LRRC63: variants seen among roughly 807,000 people sequenced by gnomAD.
LRRC63 encodes leucine rich repeat containing 63.
Under a neutral mutation model 49.5 loss-of-function variants are expected in LRRC63, and 40 were observed. The ratio of observed to expected loss-of-function variants is 0.81; its 90% CI spans 0.63 to 1.05. The LOEUF is 1.05. Among genes scored for constraint, LRRC63 ranks in the 50% least tolerant of loss-of-function variants. The pLI is 0.00. For synonymous variants in LRRC63, 191 were observed against 221.1 expected, an observed-to-expected ratio of 0.86 and a Z score of 1.21; for missense variants, 636 against 663.1, an observed-to-expected ratio of 0.96 and a Z score of 0.45.
chr13:46,264,440 AG>A (rs1266088618), intron 8 of LRRC63, among the ~76,000 whole-genome samples: 11 of 141,174 alleles, frequency 7.8e-5, no homozygotes, highest in African/African-American at 3.1e-4. Flanking sequence ...TTATTTATTT[AG>A]TTAGTTAGTT....
At chr13:46,217,812 G>A (rs114613191) in intron 2 of LRRC63, among the ~76,000 whole-genome samples, 4,511 of 152,174 alleles carry the variant, frequency 0.03, 88 homozygotes, top group East Asian at 0.064. Context: ...TTGTGTCTTC[G>A]TTCTCATTGG....
At chr13:46,235,632 T>A (rs1302557997) in intron 5 of LRRC63, among the ~76,000 whole-genome samples, 1 of 152,162 alleles carries the variant, frequency 6.6e-6, no homozygotes, top group Admixed American at 6.5e-5. Flanking sequence ...AAAAAATGCT[T>A]GTTCACAGAA....
At chr13:46,218,632 GATCCTGTT>G (rs942223683) in intron 2 of LRRC63, among the ~76,000 whole-genome samples, 1 of 152,176 alleles carries the variant, frequency 6.6e-6, no homozygotes, top group Non-Finnish European at 1.5e-5. Flanking sequence ...ATGTGAATTT[GATCCTGTT>G]ATTATGATGC....
At position 46,243,790 on chromosome 13, in the gene LRRC63, T is replaced by C. The variant is rs187033860; in HGVS notation, c.991-2737T>C. ...CTGCACCCGGCCCTTGGTTATACGCTTTAAAGAATTTGTTTGCTATTTTGC... is the reference window on the plus strand; with the variant it reads ...CTGCACCCGGCCCTTGGTTATACGCCTTAAAGAATTTGTTTGCTATTTTGC... On this transcript the variant is annotated intron_variant, in intron 5 of 9. Coordinates refer to ENST00000595396, the Ensembl canonical transcript of LRRC63. Among the ~76,000 whole-genome samples, 719 of 152,298 alleles carry C rather than the reference T, an allele frequency of 4.7e-3. 5 individuals carry two copies. Among genetic ancestry groups the C allele is most frequent in the South Asian group, 0.012 (57 of 4,824 alleles).
intron 9 of LRRC63, chr13:46,269,997 C>A: frequency 2.6e-6 from 1 of 388,860 alleles, no homozygotes; most frequent in East Asian, 5.6e-5. Flanking sequence ...AGCACTGAAC[C>A]TTATATACAT....
intron 4 of LRRC63, among the ~76,000 whole-genome samples, chr13:46,233,244 C>T (rs1418750865): frequency 1.3e-5 from 2 of 152,106 alleles, no homozygotes; most frequent in African/African-American, 2.4e-5. Context: ...GGGCTTAGAG[C>T]AGGGAGCAGG....
chr13:46,239,603 ATTGAG>A (rs1210771387), intron 5 of LRRC63, among the ~76,000 whole-genome samples: 8 of 152,214 alleles, frequency 5.3e-5, no homozygotes, highest in Admixed American at 1.3e-4. Flanking sequence ...TTCCAAAAAA[ATTGAG>A]GAGGAGGGGC....
chr13:46,223,539 G>A (rs1483447542), intron 2 of LRRC63, among the ~76,000 whole-genome samples: 1 of 143,496 alleles, frequency 7.0e-6, no homozygotes, highest in Non-Finnish European at 1.5e-5. Context: ...TTCTCTTTTA[G>A]CCTGTGAAAT....
At position 46,262,603 on chromosome 13, in the gene LRRC63, TG is replaced by T. The variant is rs1014713503; in HGVS notation, c.1310+614del. 5.2e-4 allele frequency among the ~76,000 whole-genome samples: 79 copies of T among 152,308 alleles called. 1 individual carries two copies. The highest frequency in any genetic ancestry group is 1.8e-3 in the African/African-American group (76 of 41,594). ...ATTGCATAGAGTTTACTCATAAATT[TG>T]GGAGAATTTATATTTTTGATCAATT... On this transcript the variant is annotated intron_variant, in intron 8 of 9. Transcript: ENST00000595396.
intron 4 of LRRC63, among the ~76,000 whole-genome samples, chr13:46,230,707 T>C (rs764194129): frequency 1.3e-5 from 2 of 152,252 alleles, no homozygotes; most frequent in African/African-American, 4.8e-5. Flanking sequence ...GGTTACTCTA[T>C]AGCCTGCTGG....
chr13:46,250,364 C>A, exon 7 of LRRC63: 1 of 1,509,370 alleles, frequency 6.6e-7, no homozygotes, highest in South Asian at 1.2e-5. Flanking sequence ...GATATTATGT[C>A]TTAAAAATTT....
At chr13:46,212,909 A>G (rs2138327651) in intron 1 of LRRC63, 93 bp from the exon 2 acceptor site, 2 of 657,952 alleles carry the variant, frequency 3.0e-6, no homozygotes, top group East Asian at 2.7e-5. Flanking sequence ...GTATTGGTAC[A>G]GAATGATTTT....
intron 7 of LRRC63, among the ~76,000 whole-genome samples, chr13:46,253,711 T>C (rs1405677721): frequency 6.6e-6 from 1 of 152,132 alleles, no homozygotes; most frequent in Non-Finnish European, 1.5e-5. Context: ...CTACATCCCA[T>C]GAAGCTGTGA....
intron 9 of LRRC63, 69 bp downstream of exon 9, chr13:46,267,041 C>T: frequency 7.2e-7 from 1 of 1,389,968 alleles, no homozygotes; most frequent in East Asian, 2.5e-5. Flanking sequence ...TCATTACAGG[C>T]TTAGATGACA....
chr13:46,270,585 T>C (rs1395970870), intron 9 of LRRC63: 2 of 852,038 alleles, frequency 2.3e-6, no homozygotes, highest in South Asian at 2.6e-5. Context: ...GAAGAAGTCA[T>C]GGTGAAATGC....
chr13:46,263,959 T>C (rs2047649015), intron 8 of LRRC63, among the ~76,000 whole-genome samples: 1 of 152,098 alleles, frequency 6.6e-6, no homozygotes. Flanking sequence ...ATGGAATACA[T>C]AGGTAATTTT....
intron 7 of LRRC63, among the ~76,000 whole-genome samples, chr13:46,255,378 T>C (rs1277133683): frequency 6.6e-6 from 1 of 152,100 alleles, no homozygotes; most frequent in African/African-American, 2.4e-5. Context: ...AATACTGTAA[T>C]TGTAATTAAT....
At chr13:46,223,921 T>C (rs2046492165) in intron 2 of LRRC63, among the ~76,000 whole-genome samples, 1 of 152,138 alleles carries the variant, frequency 6.6e-6, no homozygotes, top group African/African-American at 2.4e-5. Flanking sequence ...AATCCACTGT[T>C]AGTCTGATGG....
chr13:46,220,577 C>T (rs915478202), intron 2 of LRRC63, among the ~76,000 whole-genome samples: 17 of 152,064 alleles, frequency 1.1e-4, no homozygotes, highest in African/African-American at 4.1e-4. Flanking sequence ...CCACTTGGCT[C>T]CCTGGCTTCA....
Sources: allele counts gnomAD v4.1 joint callset (sites outside exome capture counted in the v4.1 genomes callset), GRCh38; gene constraint gnomAD v4.1.1; transcripts MANE v1.5; gene names NCBI Gene and HGNC (gene_info 2026-07-23, HGNC 2026-07-21).